The following OSBPL9 variants were observed in gnomAD, a reference collection of about 807,000 sequenced individuals.
The protein encoded by OSBPL9 is oxysterol binding protein like 9.
Under a neutral mutation model 106.6 loss-of-function variants are expected in OSBPL9, and 40 were observed. The observed-to-expected ratio is 0.38, with a 90% confidence interval of 0.29 to 0.49. The LOEUF is 0.49. Ranked by LOEUF, OSBPL9 falls within the 20% of genes least tolerant of loss-of-function variation. OSBPL9 has a pLI of 0.97. For synonymous variants in OSBPL9, 269 were observed against 295.4 expected, an observed-to-expected ratio of 0.91 and a Z score of 0.92; for missense variants, 609 against 887.2, an observed-to-expected ratio of 0.69 and a Z score of 3.98.
chr1:51,633,251 A>G (rs1205925583), intron 1 of OSBPL9, among the ~76,000 whole-genome samples: 2 of 151,108 alleles, frequency 1.3e-5, no homozygotes, highest in Non-Finnish European at 3.0e-5. Flanking sequence ...CAGCCATCTC[A>G]CCTGGCCACT....
intron 4 of OSBPL9, among the ~76,000 whole-genome samples, chr1:51,735,789 C>T (rs1023849845): frequency 2.6e-5 from 4 of 152,152 alleles, no homozygotes; most frequent in East Asian, 1.9e-4. Flanking sequence ...TGTGAGATAA[C>T]GAGTTTTTAG....
At chr1:51,519,360 A>C in the OSBPL9 span, 4 of 352,336 alleles carry the variant, frequency 1.1e-5, no homozygotes, top group East Asian at 4.6e-5. Flanking sequence ...AACTTCCACA[A>C]CTTCCCTCCC....
intron 1 of OSBPL9, among the ~76,000 whole-genome samples, chr1:51,646,441 A>C (rs1646158423): frequency 6.6e-6 from 1 of 152,208 alleles, no homozygotes; most frequent in Admixed American, 6.5e-5. Flanking sequence ...ATAGAAATAC[A>C]ATTAATTTTT....
At chr1:51,715,642 G>GC (rs967396052) in intron 4 of OSBPL9, among the ~76,000 whole-genome samples, 27 of 151,876 alleles carry the variant, frequency 1.8e-4, no homozygotes, top group East Asian at 3.9e-4. Context: ...GAGATTTCCC[G>GC]CCCCCCCATT....
At chr1:51,684,910 C>CTT (rs756783433) in intron 3 of OSBPL9, among the ~76,000 whole-genome samples, 89 of 140,594 alleles carry the variant, frequency 6.3e-4, no homozygotes, top group East Asian at 4.4e-3. Context: ...CACTGCTCTT[C>CTT]TTCTTTTTTT....
intron 3 of OSBPL9, among the ~76,000 whole-genome samples, chr1:51,689,862 T>C (rs1654597547): frequency 1.3e-5 from 2 of 152,258 alleles, no homozygotes; most frequent in Admixed American, 1.3e-4. Context: ...TGAGTTACCA[T>C]GTCCATTGGA....
At chr1:51,787,192 CAT>C (rs1384991255) in intron 22 of OSBPL9, among the ~76,000 whole-genome samples, 159 bp from the exon 23 acceptor site, 1 of 152,126 alleles carries the variant, frequency 6.6e-6, no homozygotes, top group Non-Finnish European at 1.5e-5. Flanking sequence ...CTTCTGAGCC[CAT>C]ATGTCTGTTC....
the OSBPL9 span, among the ~76,000 whole-genome samples, chr1:51,536,534 C>G: frequency 6.6e-6 from 1 of 152,002 alleles, no homozygotes; most frequent in Non-Finnish European, 1.5e-5. Context: ...CCCAGACTGG[C>G]CTATAATTCT....
At chr1:51,760,807 T>C (rs757500889) in intron 10 of OSBPL9, 27 bp downstream of exon 10, 1 of 1,609,008 alleles carries the variant, frequency 6.2e-7, no homozygotes, top group East Asian at 2.2e-5. Context: ...TTTCTTAGAT[T>C]CATTGATGAG....
chr1:51,775,366 C>T (rs1156683205), intron 14 of OSBPL9, among the ~76,000 whole-genome samples: 1 of 151,158 alleles, frequency 6.6e-6, no homozygotes, highest in East Asian at 1.9e-4. Context: ...GTCTCCATGT[C>T]TTGTTCTTTT....
chr1:51,681,185 T>C (rs1652475445), intron 3 of OSBPL9, among the ~76,000 whole-genome samples: 1 of 152,178 alleles, frequency 6.6e-6, no homozygotes. Flanking sequence ...GAGGAGTAGA[T>C]TAAGATATAT....
chr1:51,766,115 T>C, intron 12 of OSBPL9, 134 bp downstream of exon 12: 2 of 931,170 alleles, frequency 2.1e-6, no homozygotes, highest in East Asian at 6.0e-5. Flanking sequence ...GGCAACCTTT[T>C]TAATAGAAGT....
chr1:51,645,337 G>C (rs374589230), intron 1 of OSBPL9, among the ~76,000 whole-genome samples: 1 of 151,898 alleles, frequency 6.6e-6, no homozygotes, highest in Admixed American at 6.6e-5. Context: ...TTTTAAATTG[G>C]GTTGTCTTTT....
chr1:51,601,719 T>C (rs150126419), intron 2 of OSBPL9, among the ~76,000 whole-genome samples: 1 of 152,332 alleles, frequency 6.6e-6, no homozygotes, highest in Non-Finnish European at 1.5e-5. Context: ...ATACTTTTCC[T>C]TGTGAAAGCC....
At chr1:51,782,497 A>C in intron 16 of OSBPL9, 62 bp from the exon 17 acceptor site, 1 of 1,466,136 alleles carries the variant, frequency 6.8e-7, no homozygotes, top group African/African-American at 1.4e-5. Context: ...CAATTACCAG[A>C]TTCTCTGAAA....
At chr1:51,570,110 T>C in the OSBPL9 span, among the ~76,000 whole-genome samples, 1 of 152,194 alleles carries the variant, frequency 6.6e-6, no homozygotes, top group South Asian at 2.1e-4. Context: ...GGCCTGTTTT[T>C]CCGAGGCTCC....
At chr1:51,581,047 G>A (rs1485988654) in intron 1 of OSBPL9, among the ~76,000 whole-genome samples, 12 of 145,684 alleles carry the variant, frequency 8.2e-5, no homozygotes, top group Non-Finnish European at 1.4e-4. Context: ...AGGTTCAGGT[G>A]ATCCTCCTAC....
intron 3 of OSBPL9, among the ~76,000 whole-genome samples, chr1:51,699,264 A>G (rs1365091689): frequency 6.6e-6 from 1 of 151,994 alleles, no homozygotes; most frequent in Non-Finnish European, 1.5e-5. Flanking sequence ...TGTATAGTAT[A>G]CTAATTTGCC....
At chr1:51,520,060 C>A in the OSBPL9 span, among the ~76,000 whole-genome samples, 3 of 152,200 alleles carry the variant, frequency 2.0e-5, no homozygotes, top group Non-Finnish European at 4.4e-5. Flanking sequence ...TGCAAAGTAT[C>A]TTTTTCTCTT....
Sources: gnomAD v4.1 joint callset for allele counts (sites outside exome capture counted in the v4.1 genomes callset) on GRCh38, gnomAD v4.1.1 for gene constraint, MANE v1.5 for transcripts, NCBI Gene and HGNC (gene_info 2026-07-23, HGNC 2026-07-21) for gene names.